Variants in FSTL5 observed in about 807,000 individuals in gnomAD.
FSTL5 encodes the protein follistatin-related protein 5.
In FSTL5, 62 loss-of-function variants were observed where a neutral mutation model predicts 89.1. The observed-to-expected ratio is 0.70, with a 90% confidence interval of 0.57 to 0.86. The LOEUF (loss-of-function observed/expected upper bound fraction) is 0.86. Among genes scored for constraint, FSTL5 ranks in the 40% least tolerant of loss-of-function variants. FSTL5 has a pLI of 0.00. For synonymous variants in FSTL5, 383 were observed against 346.2 expected, an observed-to-expected ratio of 1.11 and a Z score of -1.18; for missense variants, 1,057 against 1,001.6, an observed-to-expected ratio of 1.06 and a Z score of -0.75.
intron 1 of FSTL5, among the ~76,000 whole-genome samples, chr4:162,114,089 A>G (rs976496513): frequency 2.0e-5 from 3 of 152,170 alleles, no homozygotes; most frequent in African/African-American, 7.2e-5. Flanking sequence ...TTACATTCTG[A>G]TAATGTTGAA....
intron 13 of FSTL5, among the ~76,000 whole-genome samples, chr4:161,479,657 A>G (rs1729430482): frequency 1.3e-5 from 2 of 152,134 alleles, no homozygotes; most frequent in Admixed American, 1.3e-4. Context: ...TCTCACAATA[A>G]ATATCAGACC....
In FSTL5 at chr4:161,745,553, C is replaced by T. The variant is rs989903819; in HGVS notation, c.727+13858G>A. Among the ~76,000 whole-genome samples, 3 of 151,966 alleles carry T rather than the reference C, an allele frequency of 2.0e-5. No homozygotes were observed. The East Asian group carries it at 5.8e-4, about 29-fold the overall frequency. ...TAAAAGATGTTAAAATATTTAATTA[C>T]ACAGTTTTAGTTGACTGTAAAATGT... On this transcript the variant is annotated intron_variant, in intron 6 of 15. Coordinates refer to ENST00000306100, the MANE Select transcript of FSTL5 (RefSeq NM_020116.5).
intron 3 of FSTL5, among the ~76,000 whole-genome samples, chr4:161,947,261 A>G (rs367920411): frequency 1.7e-4 from 22 of 132,866 alleles, no homozygotes; most frequent in Non-Finnish European, 3.4e-5. Flanking sequence ...AGTTCTATCT[A>G]TCTTTTATTT....
chr4:161,914,585 A>G lies in FSTL5; in HGVS notation c.409+5819T>C, dbSNP rs9884508. 7.0e-3 allele frequency among the ~76,000 whole-genome samples: 1,066 copies of G among 152,316 alleles called. 21 individuals are homozygous for G. The highest frequency in any genetic ancestry group is 0.025 in the African/African-American group (1,026 of 41,572). On this transcript the variant is annotated intron_variant, in intron 4 of 15. Coordinates refer to ENST00000306100, the MANE Select transcript of FSTL5 (RefSeq NM_020116.5). ...ATGACAATGAATTTTACAAATGTCAATCAATAACAAATATATTTCCAAACT... is the reference window on the plus strand; with the variant it reads ...ATGACAATGAATTTTACAAATGTCAGTCAATAACAAATATATTTCCAAACT...
At chr4:161,545,141 C>T (rs976215386) in intron 8 of FSTL5, among the ~76,000 whole-genome samples, 1 of 152,020 alleles carries the variant, frequency 6.6e-6, no homozygotes, top group Admixed American at 6.6e-5. Flanking sequence ...TTACAGAAAG[C>T]ATTTTCAGAA....
At chr4:161,764,303 G>A (rs1207352696) in intron 5 of FSTL5, among the ~76,000 whole-genome samples, 1 of 152,158 alleles carries the variant, frequency 6.6e-6, no homozygotes, top group Admixed American at 6.5e-5. Flanking sequence ...TTGTTGTCCA[G>A]GCTGGAATGC....
chr4:161,477,951 A>G (rs1729353061), intron 13 of FSTL5, among the ~76,000 whole-genome samples: 1 of 152,084 alleles, frequency 6.6e-6, no homozygotes, highest in Non-Finnish European at 1.5e-5. Flanking sequence ...GAAATTCACT[A>G]CTGATAGTCA....
chr4:162,118,329 C>T (rs1169787006), intron 1 of FSTL5, among the ~76,000 whole-genome samples: 2 of 152,072 alleles, frequency 1.3e-5, no homozygotes, highest in Non-Finnish European at 2.9e-5. Flanking sequence ...GGCGCGATCT[C>T]GGCTCACTGC....
intron 7 of FSTL5, among the ~76,000 whole-genome samples, chr4:161,610,932 C>A (rs759292655): frequency 9.2e-5 from 14 of 151,378 alleles, no homozygotes; most frequent in Admixed American, 4.6e-4. Flanking sequence ...TTTTCACAGA[C>A]CTTTTCTCAT....
Position 161,426,190 on chromosome 4 carries a change from C to G in FSTL5, c.1841+28814G>C, listed in dbSNP as rs542605816. On this transcript the variant is annotated intron_variant, in intron 15 of 15. Coordinates refer to ENST00000306100, the MANE Select transcript of FSTL5 (RefSeq NM_020116.5). ...TTTGAATTAACTATATGTAGCAACT[C>G]TATTCAAATAACACTTATTTAACAA... Among the ~76,000 whole-genome samples, 7 of 152,206 alleles carry G rather than the reference C, an allele frequency of 4.6e-5. 1 individual carries two copies. In the South Asian group the frequency reaches 1.5e-3, roughly 32 times the overall value.
At chr4:161,931,331 A>T (rs926008708) in intron 3 of FSTL5, among the ~76,000 whole-genome samples, 2 of 151,918 alleles carry the variant, frequency 1.3e-5, no homozygotes, top group African/African-American at 4.8e-5. Context: ...GGTCTAGGTG[A>T]ATATAGTGTG....
chr4:161,483,320 G>A (rs1729582697), intron 12 of FSTL5, among the ~76,000 whole-genome samples: 1 of 152,216 alleles, frequency 6.6e-6, no homozygotes, highest in African/African-American at 2.4e-5. Flanking sequence ...CTGAATACAG[G>A]GAAATTGTTT....
At chr4:161,797,510 TA>T in intron 4 of FSTL5, among the ~76,000 whole-genome samples, 1 of 151,682 alleles carries the variant, frequency 6.6e-6, no homozygotes. Context: ...CTTGTAGTCT[TA>T]GCCATTCTTG....
chr4:162,051,823 A>G, intron 2 of FSTL5, among the ~76,000 whole-genome samples: 1 of 151,636 alleles, frequency 6.6e-6, no homozygotes, highest in African/African-American at 2.4e-5. Flanking sequence ...GCTGAAAAAA[A>G]ACAGTATTTG....
At chr4:161,544,739 G>A (rs1193048188) in intron 8 of FSTL5, among the ~76,000 whole-genome samples, 1 of 151,910 alleles carries the variant, frequency 6.6e-6, no homozygotes, top group African/African-American at 2.4e-5. Context: ...AATCAAGATT[G>A]GGTCCTGGAC....
At chr4:161,525,587 T>G (rs1407168548) in intron 10 of FSTL5, among the ~76,000 whole-genome samples, 1 of 152,088 alleles carries the variant, frequency 6.6e-6, no homozygotes, top group Non-Finnish European at 1.5e-5. Context: ...AAAAAAAAAT[T>G]TTTTTAAAAA....
rs1366976578 is a variant in FSTL5, at chr4:161,432,998, C to T, written c.1841+22006G>A. On this transcript the variant is annotated intron_variant, in intron 15 of 15. Coordinates refer to ENST00000306100, the MANE Select transcript of FSTL5 (RefSeq NM_020116.5). ...GGCTTCAGTGTTAAATTTTACCAAA[C>T]ATTGAAAGAACTAATACCAACCATA... 5.3e-5 allele frequency among the ~76,000 whole-genome samples: 8 copies of T among 151,796 alleles called. No individual in the cohort carries two copies. The East Asian group carries it at 1.6e-3, about 29-fold the overall frequency.
chr4:162,039,368 A>G (rs892622222), intron 2 of FSTL5, among the ~76,000 whole-genome samples: 19 of 151,924 alleles, frequency 1.3e-4, no homozygotes, highest in Non-Finnish European at 1.8e-4. Context: ...TAAAAAACAT[A>G]TAGTAAGACG....
At chr4:161,407,293 T>C (rs557304160) in intron 15 of FSTL5, among the ~76,000 whole-genome samples, 3 of 152,204 alleles carry the variant, frequency 2.0e-5, no homozygotes, top group Non-Finnish European at 4.4e-5. Context: ...GATGGCCAAG[T>C]AGATGCATAC....
Sources: gnomAD v4.1 joint callset for allele counts (sites outside exome capture counted in the v4.1 genomes callset) on GRCh38, gnomAD v4.1.1 for gene constraint, MANE v1.5 for transcripts, NCBI Gene and HGNC (gene_info 2026-07-23, HGNC 2026-07-21) for gene names.